Variants in CCDC150 observed in about 807,000 individuals in gnomAD.
The protein encoded by CCDC150 is coiled-coil domain containing 150.
In CCDC150, 151 loss-of-function variants were observed where a neutral mutation model predicts 156.5. The observed-to-expected ratio is 0.97, with a 90% CI of 0.85 to 1.10. CCDC150 has a LOEUF of 1.10. Ranked by LOEUF, CCDC150 falls within the 50% of genes least tolerant of loss-of-function variation. The probability of loss-of-function intolerance (pLI) is 0.00; values close to 1 mark genes in which losing one functional copy is unlikely to be tolerated. For missense variants in CCDC150, 1,312 were observed against 1,268.1 expected, an observed-to-expected ratio of 1.03 and a Z score of -0.53; for synonymous variants, 452 against 429.4, an observed-to-expected ratio of 1.05 and a Z score of -0.65.
At chr2:196,642,179 A>G (rs1016824508) in intron 1 of CCDC150, among the ~76,000 whole-genome samples, 13 of 152,236 alleles carry the variant, frequency 8.5e-5, no homozygotes, top group Non-Finnish European at 2.9e-5. Flanking sequence ...TCAAGGCAGC[A>G]ATCAATATTT....
At chr2:196,673,646 C>A (rs1206729217) in intron 9 of CCDC150, among the ~76,000 whole-genome samples, 1 of 152,050 alleles carries the variant, frequency 6.6e-6, no homozygotes, top group Non-Finnish European at 1.5e-5. Context: ...ATCTACCTTG[C>A]AAAAATAACT....
intron 13 of CCDC150, among the ~76,000 whole-genome samples, chr2:196,689,487 A>AT (rs1254577890): frequency 6.6e-6 from 1 of 151,546 alleles, no homozygotes; most frequent in Admixed American, 6.6e-5. Context: ...ATTCCTAGGT[A>AT]TTTTATTCTC....
chr2:196,639,986 G>C (rs79546945), intron 1 of CCDC150, among the ~76,000 whole-genome samples: 2,000 of 152,302 alleles, frequency 0.013, 53 homozygotes, highest in African/African-American at 0.044. Context: ...CATTGGCCTG[G>C]CTCCAGCTGA....
chr2:196,678,645 GTA>G (rs1487761023), intron 13 of CCDC150, among the ~76,000 whole-genome samples: 4 of 152,174 alleles, frequency 2.6e-5, no homozygotes, highest in African/African-American at 9.7e-5. Flanking sequence ...GCTCACACCT[GTA>G]ATCCCAGCAC....
chr2:196,727,890 T>G (rs554765350), intron 22 of CCDC150: 1 of 151,612 alleles, frequency 6.6e-6, no homozygotes, highest in South Asian at 2.1e-4. Flanking sequence ...TGGGTGCCTG[T>G]AGTCCCAGCT....
chr2:196,691,523 G>T (rs1695472085), intron 13 of CCDC150, among the ~76,000 whole-genome samples: 1 of 152,014 alleles, frequency 6.6e-6, no homozygotes, highest in Admixed American at 6.6e-5. Context: ...TTCTCTGATG[G>T]TTGTTTGTAT....
At chr2:196,666,923 A>G (rs748455334) in intron 7 of CCDC150, 75 bp downstream of exon 7, 9 of 1,537,350 alleles carry the variant, frequency 5.9e-6, no homozygotes, top group African/African-American at 1.4e-5. Context: ...TAAGATCCCA[A>G]ATTCTTAAAG....
rs541033686 is a variant in CCDC150 at position 196,648,450 on chromosome 2, C to T, written c.176+1946C>T. 3.3e-5 allele frequency among the ~76,000 whole-genome samples: 5 copies of T among 152,104 alleles called. No homozygotes were observed. In the East Asian group the frequency reaches 9.6e-4, roughly 29 times the overall value. On this transcript the variant is annotated intron_variant, in intron 2 of 27. Coordinates refer to ENST00000389175, the MANE Select transcript of CCDC150 (RefSeq NM_001080539.2). ...TTGTATGTCTTCATTTGAGGAATGT[C>T]TATTCCGGTTTTTGTCCATGTTTAA...
chr2:196,676,269 T>A lies in CCDC150; in HGVS notation c.1262+2T>A. 2 of 1,613,212 alleles carry A rather than the reference T, an allele frequency of 1.2e-6. No individual in the cohort carries two copies. The highest frequency in any genetic ancestry group is 1.7e-6 in the Non-Finnish European group (2 of 1,179,524). On this transcript the variant is annotated splice_donor_variant, in intron 11 of 27. Transcript: ENST00000389175. LOFTEE classifies it high-confidence loss of function. ...GAAAACCCAACTCCAGGCACATCTGTAAGTAAATTATGGGCAACTTCTTAT... is the reference window on the plus strand; with the variant it reads ...GAAAACCCAACTCCAGGCACATCTGAAAGTAAATTATGGGCAACTTCTTAT...
At position 196,726,070 on chromosome 2, in the gene CCDC150, A is replaced by G; in HGVS notation, c.2527A>G (p.Lys843Glu). 6 of 1,613,236 alleles carry G rather than the reference A, an allele frequency of 3.7e-6. No homozygotes were observed. The highest frequency in any genetic ancestry group is 4.5e-5 in the East Asian group (2 of 44,858). ...GTTTCAAACCGAGAGAGAAACTACA[A>G]AGAAAGTGGCACAACGGGAAGTGGC... ...KQFQTERETT[K>E]KVAQREVAEL... The change falls in exon 22 of 28, where the codon AAG becomes GAG. Residue 843 changes from lysine to glutamate, a missense_variant. Lys to Glu is a moderately conservative substitution (Grantham distance 56). Coordinates refer to ENST00000389175, the MANE Select transcript of CCDC150 (RefSeq NM_001080539.2).
intron 1 of CCDC150, among the ~76,000 whole-genome samples, chr2:196,640,805 ACTT>A (rs1369180533): frequency 6.6e-6 from 1 of 152,146 alleles, no homozygotes; most frequent in Non-Finnish European, 1.5e-5. Flanking sequence ...CAGCATCTCT[ACTT>A]CTGCTTTTGT....
intron 12 of CCDC150, 66 bp from the exon 13 acceptor site, chr2:196,677,227 A>G: frequency 2.0e-6 from 2 of 983,406 alleles, no homozygotes; most frequent in East Asian, 5.2e-5. Context: ...TATGTGTGCT[A>G]TAGTGGAGCC....
At chr2:196,729,768 T>A in intron 23 of CCDC150, 25 bp from the exon 24 acceptor site, 2 of 1,463,682 alleles carry the variant, frequency 1.4e-6, no homozygotes, top group Non-Finnish European at 1.9e-6. Flanking sequence ...ATCATCTTTT[T>A]ATGTTATTTT....
At chr2:196,704,415 T>C (rs1189205384) in intron 15 of CCDC150, among the ~76,000 whole-genome samples, 6 of 152,200 alleles carry the variant, frequency 3.9e-5, no homozygotes, top group African/African-American at 1.4e-4. Context: ...TGTCTCCTTA[T>C]ATACAGAAGA....
chr2:196,691,744 C>G (rs867961018), intron 13 of CCDC150, among the ~76,000 whole-genome samples: 1 of 152,074 alleles, frequency 6.6e-6, no homozygotes, highest in African/African-American at 2.4e-5. Flanking sequence ...AGTTTGAGAT[C>G]AGCCTGGCCA....
At position 196,660,373 on chromosome 2, in the gene CCDC150, C is replaced by CT. The variant is rs559794338; in HGVS notation, c.645+1516dup. Among the ~76,000 whole-genome samples the CT allele has an allele frequency of 3.9e-5, 6 of 152,228 alleles. No homozygotes were observed. In the South Asian group the frequency reaches 1.2e-3, roughly 32 times the overall value. On this transcript the variant is annotated intron_variant, in intron 5 of 27. Coordinates refer to ENST00000389175, the MANE Select transcript of CCDC150 (RefSeq NM_001080539.2). Reference sequence around the variant, plus strand: ...GTTCATCTGGTAAGCCTATGTTTAGCTTTGTATGAAGCTGCCAACCTGTCT... The same window carrying CT: ...GTTCATCTGGTAAGCCTATGTTTAGCTTTTGTATGAAGCTGCCAACCTGTCT...
At chr2:196,696,338 A>G (rs1036526059) in intron 14 of CCDC150, among the ~76,000 whole-genome samples, 2 of 151,956 alleles carry the variant, frequency 1.3e-5, no homozygotes, top group Admixed American at 6.5e-5. Flanking sequence ...GACAAGATCC[A>G]TTAGCTGTAA....
At position 196,682,368 on chromosome 2, in the gene CCDC150, GGAAGT is replaced by G. The variant is rs558396616; in HGVS notation, c.1509+5008_1509+5012del. On this transcript the variant is annotated intron_variant, in intron 13 of 27. Coordinates refer to ENST00000389175, the MANE Select transcript of CCDC150 (RefSeq NM_001080539.2). ...CAGTCTTGATTACTATTGTTTTGTA[GGAAGT>G]TTTGACGTCTAAATGTGAATCTTCC... is the stretch of plus-strand genomic sequence containing the variant. Among the ~76,000 whole-genome samples, 20 of 151,842 alleles carry G rather than the reference GGAAGT, an allele frequency of 1.3e-4. No homozygotes were observed. The East Asian group carries it at 3.9e-3, about 29-fold the overall frequency.
At chr2:196,692,449 G>C (rs1695548103) in intron 13 of CCDC150, among the ~76,000 whole-genome samples, 1 of 152,140 alleles carries the variant, frequency 6.6e-6, no homozygotes, top group South Asian at 2.1e-4. Flanking sequence ...CTAATTTTTT[G>C]ATGTGGGAAT....
Sources: allele counts gnomAD v4.1 joint callset (sites outside exome capture counted in the v4.1 genomes callset), GRCh38; gene constraint gnomAD v4.1.1; transcripts MANE v1.5; gene names NCBI Gene and HGNC (gene_info 2026-07-23, HGNC 2026-07-21).